Variants in CCDC171 observed in about 807,000 individuals in gnomAD.
The protein encoded by CCDC171 is coiled-coil domain-containing protein 171.
CCDC171 carries 177 observed loss-of-function variants against 168.2 expected under a neutral mutation model. That is an observed-to-expected ratio of 1.05 (90% CI 0.93 to 1.19). The LOEUF (loss-of-function observed/expected upper bound fraction) is 1.19, where lower values mean the gene tolerates loss of function less well. Among genes scored for constraint, CCDC171 ranks in the 50% most tolerant of loss-of-function variants. The pLI, the probability that CCDC171 is intolerant of heterozygous loss-of-function variation, is 0.00. For synonymous variants in CCDC171, 687 were observed against 540.8 expected (o/e 1.27, Z -3.75); for missense variants, 1,991 against 1,539.0 (o/e 1.29, Z -4.91).
At chr9:16,077,773 T>A in the CCDC171 span, among the ~76,000 whole-genome samples, 1 of 152,222 alleles carries the variant, frequency 6.6e-6, no homozygotes, top group South Asian at 2.1e-4. Flanking sequence ...GCAGCACACC[T>A]GACCTGCATT....
chr9:15,567,131 C>A (rs2039809043), intron 2 of CCDC171, among the ~76,000 whole-genome samples: 1 of 150,340 alleles, frequency 6.7e-6, no homozygotes. Context: ...AGGTGATTCT[C>A]CTGCCTCAAC....
intron 7 of CCDC171, among the ~76,000 whole-genome samples, chr9:15,623,644 C>G (rs1017932555): frequency 6.6e-6 from 1 of 151,852 alleles, no homozygotes; most frequent in African/African-American, 2.4e-5. Context: ...CTGTTTTGCC[C>G]TAGTTTAAAA....
intron 7 of CCDC171, among the ~76,000 whole-genome samples, chr9:15,637,085 A>G (rs1587638577): frequency 6.6e-6 from 1 of 151,866 alleles, no homozygotes; most frequent in Non-Finnish European, 1.5e-5. Context: ...GTGAAACCCC[A>G]TCTCTATTAA....
At chr9:15,796,294 A>C (rs1156941925) in intron 21 of CCDC171, among the ~76,000 whole-genome samples, 3 of 152,166 alleles carry the variant, frequency 2.0e-5, no homozygotes, top group Non-Finnish European at 4.4e-5. Flanking sequence ...AATGCTCTCC[A>C]GGGGGACAAA....
At chr9:15,991,840 A>G (rs576703068) in intron 3 of CCDC171, among the ~76,000 whole-genome samples, 4 of 152,224 alleles carry the variant, frequency 2.6e-5, no homozygotes, top group East Asian at 3.8e-4. Context: ...AGAAATGGAT[A>G]AATTCCTGGA....
intron 3 of CCDC171, among the ~76,000 whole-genome samples, chr9:16,007,647 A>G (rs1832746357): frequency 6.6e-6 from 1 of 152,196 alleles, no homozygotes; most frequent in Non-Finnish European, 1.5e-5. Flanking sequence ...AGCTTTCTAC[A>G]TATGGCTAGC....
At chr9:15,867,573 A>G (rs1406511882) in intron 23 of CCDC171, among the ~76,000 whole-genome samples, 2 of 152,018 alleles carry the variant, frequency 1.3e-5, no homozygotes, top group African/African-American at 2.4e-5. Context: ...CTCTGTCCAT[A>G]TAGCTGTCTT....
chr9:15,863,112 C>G (rs2061628423), intron 23 of CCDC171, among the ~76,000 whole-genome samples: 1 of 152,000 alleles, frequency 6.6e-6, no homozygotes, highest in African/African-American at 2.4e-5. Flanking sequence ...TACTCAAACA[C>G]AGGTGAGACA....
intron 3 of CCDC171, among the ~76,000 whole-genome samples, chr9:15,574,598 C>A (rs2040489357): frequency 6.6e-6 from 1 of 152,140 alleles, no homozygotes; most frequent in Non-Finnish European, 1.5e-5. Context: ...TCAATTATTT[C>A]TTTAGATGAT....
intron 16 of CCDC171, 125 bp from the exon 17 acceptor site, chr9:15,744,148 G>A (rs2055088404): frequency 4.1e-6 from 3 of 730,108 alleles, no homozygotes; most frequent in Non-Finnish European, 6.5e-6. Flanking sequence ...GGATATTTTA[G>A]CACATGTATC....
At chr9:15,815,540 G>T in intron 21 of CCDC171, among the ~76,000 whole-genome samples, 1 of 109,946 alleles carries the variant, frequency 9.1e-6, no homozygotes, top group South Asian at 3.0e-4. Context: ...TTTTAAATGT[G>T]TCCCAACGTT....
downstream of CCDC171, among the ~76,000 whole-genome samples, chr9:16,064,771 G>T (rs1439250901): frequency 6.6e-6 from 1 of 152,206 alleles, no homozygotes; most frequent in Non-Finnish European, 1.5e-5. Context: ...AAAATTGGCC[G>T]TAATTTATTT....
intron 25 of CCDC171, among the ~76,000 whole-genome samples, chr9:15,949,476 C>T (rs201471445): frequency 1.3e-5 from 2 of 152,096 alleles, no homozygotes; most frequent in African/African-American, 2.4e-5. Context: ...CTTCCATTTG[C>T]TTGTATCCTC....
At chr9:16,004,030 A>T (rs1490478528) in intron 3 of CCDC171, among the ~76,000 whole-genome samples, 3 of 152,180 alleles carry the variant, frequency 2.0e-5, no homozygotes, top group Admixed American at 1.3e-4. Context: ...TGACCAGGTG[A>T]TGCAGCCCCA....
intron 21 of CCDC171, among the ~76,000 whole-genome samples, chr9:15,805,408 C>G (rs1375538769): frequency 6.6e-6 from 1 of 152,136 alleles, no homozygotes; most frequent in Admixed American, 6.6e-5. Context: ...CTTAACACTG[C>G]TTTAGCTGCA....
chr9:16,046,997 TCTC>T (rs1833672516), intron 1 of CCDC171, among the ~76,000 whole-genome samples: 1 of 152,154 alleles, frequency 6.6e-6, no homozygotes, highest in Admixed American at 6.5e-5. Flanking sequence ...AGCTGGGTCT[TCTC>T]CTACTGCTTT....
At chr9:15,559,707 A>G (rs1242079837) in intron 1 of CCDC171, among the ~76,000 whole-genome samples, 1 of 152,084 alleles carries the variant, frequency 6.6e-6, no homozygotes, top group Non-Finnish European at 1.5e-5. Flanking sequence ...GTGTCTTTTA[A>G]TTGGAGCATT....
At chr9:15,914,695 G>GAA (rs71325948) in intron 24 of CCDC171, among the ~76,000 whole-genome samples, 6 of 151,288 alleles carry the variant, frequency 4.0e-5, no homozygotes, top group Non-Finnish European at 8.8e-5. Context: ...AATGGGGTAT[G>GAA]AAAAAAAAAC....
In CCDC171 at chr9:15,971,642, C is replaced by T; in HGVS notation, c.3787C>T (p.Pro1263Ser). The T allele has an allele frequency of 6.2e-7, 1 of 1,613,542 alleles. No homozygotes were observed. The highest frequency in any genetic ancestry group is 8.5e-7 in the Non-Finnish European group (1 of 1,179,766). Residue 1263 changes from proline (P) to serine (S), a missense_variant, in exon 26 of 26, where the codon CCT becomes TCT. Pro to Ser is a moderately conservative substitution (Grantham distance 74). Transcript: ENST00000380701. ...GSRDHSNLSI[P>S]SRAPLPADTT... ...ACGAGACCATTCAAATCTCTCCATT[C>T]CTTCAAGAGCTCCTCTTCCTGCTGA...
Sources: gnomAD v4.1 joint callset for allele counts (sites outside exome capture counted in the v4.1 genomes callset) on GRCh38, gnomAD v4.1.1 for gene constraint, MANE v1.5 for transcripts, NCBI Gene and HGNC (gene_info 2026-07-23, HGNC 2026-07-21) for gene names.